ARHGEF37: variants seen among roughly 807,000 people sequenced by gnomAD.
The protein encoded by ARHGEF37 is Rho guanine nucleotide exchange factor (GEF) 37.
ARHGEF37 carries 55 observed loss-of-function variants against 71.1 expected under a neutral mutation model. The observed-to-expected ratio is 0.77, with a 90% confidence interval of 0.62 to 0.97. The LOEUF (loss-of-function observed/expected upper bound fraction) is 0.97. ARHGEF37 is among the 50% of genes least tolerant of loss of function. The pLI is 0.00. For synonymous variants in ARHGEF37, 327 were observed against 350.6 expected (o/e 0.93, Z 0.75); for missense variants, 765 against 836.8 (o/e 0.91, Z 1.06).
chr5:149,574,459 A>C, intron 1 of ARHGEF37, among the ~76,000 whole-genome samples: 1 of 152,154 alleles, frequency 6.6e-6, no homozygotes, highest in East Asian at 1.9e-4. Context: ...TGACTGCTCC[A>C]TCTATTCTTT....
At chr5:149,563,267 G>A (rs548106003) in intron 1 of ARHGEF37, among the ~76,000 whole-genome samples, 3 of 152,160 alleles carry the variant, frequency 2.0e-5, no homozygotes, top group East Asian at 3.9e-4. Flanking sequence ...TTAAACCTTA[G>A]CTACCCACCA....
intron 4 of ARHGEF37, among the ~76,000 whole-genome samples, chr5:149,615,169 T>A (rs755534409): frequency 5.3e-5 from 8 of 152,280 alleles, no homozygotes; most frequent in African/African-American, 1.2e-4. Context: ...TCACTTTTTT[T>A]AAAAAGATGA....
chr5:149,630,441 C>T (rs545377487), intron 12 of ARHGEF37, among the ~76,000 whole-genome samples: 13 of 152,216 alleles, frequency 8.5e-5, no homozygotes, highest in African/African-American at 2.9e-4. Flanking sequence ...TCGGATGCCT[C>T]GGGCCAGGGT....
At chr5:149,595,643 G>A (rs1184688705) in intron 1 of ARHGEF37, among the ~76,000 whole-genome samples, 2 of 152,104 alleles carry the variant, frequency 1.3e-5, no homozygotes, top group African/African-American at 4.8e-5. Flanking sequence ...ACTCACAGGG[G>A]CATTCTTATA....
At position 149,557,523 on chromosome 5, in the gene ARHGEF37, A is replaced by G. The variant is rs572917223; in HGVS notation, c.-12+5400A>G. The stretch of plus-strand genomic sequence containing the variant: ...GGGACAGGGTCTCCTTCTGTTGCCC[A>G]TGCTGGAGTGCAGTAGTGTGATCAT... On this transcript the variant is annotated intron_variant, in intron 1 of 2. Transcript: ENST00000505810. Among the ~76,000 whole-genome samples, 55 of 152,240 alleles carry G rather than the reference A, an allele frequency of 3.6e-4. No individual in the cohort carries two copies. In the South Asian group the frequency reaches 0.011, roughly 31 times the overall value.
rs1347363788 is a variant in ARHGEF37, at chr5:149,628,977, G to A, written c.1818+11G>A. 3 of 1,609,638 alleles carry A rather than the reference G, an allele frequency of 1.9e-6. No homozygotes were observed. The highest frequency in any genetic ancestry group is 2.5e-6 in the Non-Finnish European group (3 of 1,178,620). On this transcript the variant is annotated intron_variant, in intron 12 of 12. Transcript: ENST00000333677. Reference sequence around the variant, plus strand: ...CCCACCATGAACCAGGTGAGTATAGGAGAGGGCTGGGGGCTTGCCTCCCAT... The same window carrying A: ...CCCACCATGAACCAGGTGAGTATAGAAGAGGGCTGGGGGCTTGCCTCCCAT...
chr5:149,582,392 TGGA>T (rs986504401), intron 1 of ARHGEF37, among the ~76,000 whole-genome samples: 4 of 152,200 alleles, frequency 2.6e-5, no homozygotes, highest in Admixed American at 2.6e-4. Context: ...AGGCAGCTGG[TGGA>T]GGAGTACCTG....
upstream of ARHGEF37, among the ~76,000 whole-genome samples, chr5:149,581,158 G>C (rs1373079819): frequency 2.6e-5 from 4 of 152,180 alleles, no homozygotes; most frequent in Admixed American, 6.5e-5. Context: ...ATTCGGGCAG[G>C]AGCAAAGGTA....
Position 149,572,086 on chromosome 5 carries a change from G to A in ARHGEF37, c.-12+19963G>A, listed in dbSNP as rs188534512. 2.7e-3 allele frequency among the ~76,000 whole-genome samples: 414 copies of A among 152,106 alleles called. 3 individuals carry two copies. Among genetic ancestry groups the A allele is most frequent in the African/African-American group, 9.4e-3 (389 of 41,482 alleles). On this transcript the variant is annotated intron_variant, in intron 1 of 2. Coordinates refer to the ARHGEF37 transcript ENST00000505810. ...ACTATAATCAAGAAAGTGTAATACT[G>A]GGATAGGAATAGATAAATTGATACC...
intron 1 of ARHGEF37, among the ~76,000 whole-genome samples, chr5:149,563,642 C>T (rs1762863732): frequency 6.6e-6 from 1 of 152,192 alleles, no homozygotes; most frequent in Admixed American, 6.5e-5. Context: ...GTGACTTTCT[C>T]TAACCTTCCT....
chr5:149,631,148 TTTCC>T lies in ARHGEF37; in HGVS notation c.1819-815_1819-812del, dbSNP rs796720991. ...TCTTTCTTTCTTTCTTCCTTCCTTC[TTTCC>T]TTCCTTCCTTCCTTCCTTTCTTTTT... On this transcript the variant is annotated intron_variant, in intron 12 of 12. Coordinates refer to ENST00000333677, the MANE Select transcript of ARHGEF37 (RefSeq NM_001001669.3). Among the ~76,000 whole-genome samples, 49 of 109,558 alleles carry T rather than the reference TTTCC, an allele frequency of 4.5e-4. 1 individual carries two copies. The highest frequency in any genetic ancestry group is 1.2e-3 in the East Asian group (3 of 2,602). 71.9% of individuals were successfully genotyped at this position (109,558 alleles called of 152,430 possible).
At chr5:149,556,011 A>G (rs1762749662) in intron 1 of ARHGEF37, among the ~76,000 whole-genome samples, 3 of 152,150 alleles carry the variant, frequency 2.0e-5, no homozygotes, top group Non-Finnish European at 4.4e-5. Context: ...CACAGTGTTT[A>G]CTCAAGCAAC....
chr5:149,600,944 A>G (rs1017672801), intron 2 of ARHGEF37, among the ~76,000 whole-genome samples, 164 bp from the exon 3 acceptor site: 3 of 152,066 alleles, frequency 2.0e-5, no homozygotes, highest in Non-Finnish European at 2.9e-5. Flanking sequence ...GCCTGAAAAT[A>G]CCTAATTTAT....
intron 4 of ARHGEF37, among the ~76,000 whole-genome samples, chr5:149,616,219 G>A (rs547927523): frequency 6.6e-6 from 1 of 152,314 alleles, no homozygotes; most frequent in Admixed American, 6.5e-5. Context: ...TGCTTGCAGA[G>A]TATGAGGAGA....
At chr5:149,598,806 ATATG>A (rs1467207005) in intron 2 of ARHGEF37, among the ~76,000 whole-genome samples, 1 of 147,782 alleles carries the variant, frequency 6.8e-6, no homozygotes, top group East Asian at 2.1e-4. Flanking sequence ...ATAGATATAT[ATATG>A]TGTGTGTGTG....
chr5:149,561,101 C>T (rs756687324), intron 1 of ARHGEF37, among the ~76,000 whole-genome samples: 2 of 151,926 alleles, frequency 1.3e-5, no homozygotes, highest in Non-Finnish European at 2.9e-5. Flanking sequence ...GGTGAAACCC[C>T]TTCTCTACTA....
At position 149,632,218 on chromosome 5, in the gene ARHGEF37, C is replaced by T. The variant is rs765053462; in HGVS notation, c.*27C>T. The T allele has an allele frequency of 3.1e-6, 5 of 1,607,636 alleles. No homozygotes were observed. Among genetic ancestry groups the T allele is most frequent in the East Asian group, 4.5e-5 (2 of 44,756 alleles). On this transcript the variant is annotated 3_prime_UTR_variant, in exon 13 of 13. Transcript: ENST00000333677. ...GTACCCTCTTTGGAGCCTACATTGC[C>T]AAATGATGGGGGAGGCTTAGAGGCT...
chr5:149,598,079 T>G (rs1049320602), intron 2 of ARHGEF37, 124 bp downstream of exon 2: 1 of 1,181,404 alleles, frequency 8.5e-7, no homozygotes, highest in African/African-American at 1.6e-5. Flanking sequence ...ATGTGAAGTC[T>G]GACAGACCTG....
chr5:149,631,505 T>C (rs1429570767), intron 12 of ARHGEF37, among the ~76,000 whole-genome samples: 1 of 152,196 alleles, frequency 6.6e-6, no homozygotes, highest in Non-Finnish European at 1.5e-5. Flanking sequence ...GTAAACAAGT[T>C]GCCCAAATCC....
Sources: gnomAD v4.1 joint callset for allele counts (sites outside exome capture counted in the v4.1 genomes callset) on GRCh38, gnomAD v4.1.1 for gene constraint, MANE v1.5 for transcripts, NCBI Gene and HGNC (gene_info 2026-07-23, HGNC 2026-07-21) for gene names.